Variants in LAMA2 observed in about 807,000 individuals in gnomAD.
LAMA2 encodes laminin subunit alpha-2.
LAMA2 carries 269 observed loss-of-function variants against 364.8 expected under a neutral mutation model. The ratio of observed to expected loss-of-function variants is 0.74; its 90% CI spans 0.67 to 0.82. The LOEUF (loss-of-function observed/expected upper bound fraction) is 0.82. Ranked by LOEUF, LAMA2 falls within the 40% of genes least tolerant of loss-of-function variation. The pLI, the probability that LAMA2 is intolerant of heterozygous loss-of-function variation, is 0.00. For synonymous variants in LAMA2, 1,379 were observed against 1,370.6 expected, an observed-to-expected ratio of 1.01 and a Z score of -0.14; for missense variants, 3,807 against 3,873.2, an observed-to-expected ratio of 0.98 and a Z score of 0.45.
At chr6:128,896,730 A>T (rs1776798513) in intron 1 of LAMA2, among the ~76,000 whole-genome samples, 1 of 152,198 alleles carries the variant, frequency 6.6e-6, no homozygotes, top group South Asian at 2.1e-4. Flanking sequence ...CCAGAATCTG[A>T]AATTTTATCT....
chr6:129,159,423 G>C (rs73773688), intron 8 of LAMA2, among the ~76,000 whole-genome samples: 1 of 152,112 alleles, frequency 6.6e-6, no homozygotes, highest in Non-Finnish European at 1.5e-5. Context: ...CCTTGCCAGC[G>C]TGCCGAGGCG....
At chr6:129,484,088 G>A (rs2571587) in intron 55 of LAMA2, among the ~76,000 whole-genome samples, 52,357 of 152,010 alleles carry the variant, frequency 0.34, 10,166 homozygotes, top group African/African-American at 0.54. Context: ...ACAAGATTAT[G>A]AGTGGAACTG....
At chr6:129,305,873 T>C (rs967388858) in intron 22 of LAMA2, among the ~76,000 whole-genome samples, 3 of 152,100 alleles carry the variant, frequency 2.0e-5, no homozygotes, top group African/African-American at 7.2e-5. Flanking sequence ...GTATAACATC[T>C]TCTCTTGACT....
intron 64 of LAMA2, among the ~76,000 whole-genome samples, chr6:129,515,937 T>C (rs1022920365): frequency 6.6e-6 from 1 of 151,798 alleles, no homozygotes; most frequent in African/African-American, 2.4e-5. Context: ...GCCCAGGAGG[T>C]TGAGGCTGCA....
rs779965601 is a variant in LAMA2 at position 129,143,036 on chromosome 6, G to A, written c.640-865G>A. The stretch of plus-strand genomic sequence containing the variant: ...CCGTGCCAACAGTACCTTTTATTTT[G>A]TCACACAGTTTATTCTTCATCAGAA... On this transcript the variant is annotated intron_variant, in intron 4 of 64. Coordinates refer to ENST00000421865, the MANE Select transcript of LAMA2 (RefSeq NM_000426.4). Among the ~76,000 whole-genome samples, 3 of 151,950 alleles carry A rather than the reference G, an allele frequency of 2.0e-5. No homozygotes were observed. The East Asian group carries it at 5.8e-4, about 30-fold the overall frequency.
chr6:129,192,618 A>C, intron 11 of LAMA2, 62 bp from the exon 12 acceptor site: 1 of 1,501,530 alleles, frequency 6.7e-7, no homozygotes, highest in Non-Finnish European at 9.2e-7. Flanking sequence ...AGGAACATGA[A>C]AGAGAAAAGC....
intron 2 of LAMA2, among the ~76,000 whole-genome samples, chr6:129,057,904 T>C (rs1788599200): frequency 6.6e-6 from 1 of 151,650 alleles, no homozygotes; most frequent in Admixed American, 6.6e-5. Context: ...TAAAAGGTCA[T>C]TCATAAGCCA....
At chr6:129,095,179 T>C (rs932000702) in intron 3 of LAMA2, among the ~76,000 whole-genome samples, 1 of 152,244 alleles carries the variant, frequency 6.6e-6, no homozygotes, top group Non-Finnish European at 1.5e-5. Context: ...TGAGATAACT[T>C]GTGGCTTACT....
chr6:129,042,111 C>T (rs1215688246), intron 1 of LAMA2, among the ~76,000 whole-genome samples: 1 of 151,746 alleles, frequency 6.6e-6, no homozygotes, highest in East Asian at 1.9e-4. Flanking sequence ...TCAAAACCAG[C>T]CTGGCTGATA....
intron 1 of LAMA2, among the ~76,000 whole-genome samples, chr6:128,906,590 G>A (rs1317089515): frequency 2.0e-5 from 3 of 151,280 alleles, no homozygotes; most frequent in East Asian, 1.9e-4. Flanking sequence ...TAGGTTGCCT[G>A]TTCACTCTGA....
intron 37 of LAMA2, among the ~76,000 whole-genome samples, chr6:129,397,174 GA>G (rs1373979379): frequency 6.6e-6 from 1 of 151,908 alleles, no homozygotes; most frequent in Non-Finnish European, 1.5e-5. Context: ...GTTAAAAGTA[GA>G]AATATAATCA....
intron 8 of LAMA2, among the ~76,000 whole-genome samples, chr6:129,159,871 C>T (rs1231416991): frequency 1.3e-5 from 2 of 152,086 alleles, no homozygotes; most frequent in African/African-American, 4.8e-5. Context: ...TAAGGATTTT[C>T]TCCTTTATTC....
At chr6:129,066,038 GTTTT>G (rs544271722) in intron 3 of LAMA2, among the ~76,000 whole-genome samples, 7 of 37,116 alleles carry the variant, frequency 1.9e-4, no homozygotes, top group African/African-American at 6.0e-4. Flanking sequence ...CCAGTCTCAG[GTTTT>G]TTTTTTTTTT....
At chr6:128,974,801 A>C (rs1280587466) in intron 1 of LAMA2, among the ~76,000 whole-genome samples, 1 of 152,060 alleles carries the variant, frequency 6.6e-6, no homozygotes, top group Non-Finnish European at 1.5e-5. Flanking sequence ...GAATATCAAA[A>C]CCAATAAAAT....
Position 129,349,280 on chromosome 6 carries a change from C to G in LAMA2, c.4437-18C>G. On this transcript the variant is annotated intron_variant, in intron 30 of 64. Transcript: ENST00000421865. ...AATGGATTAAACTTTTTTTGCAATC[C>G]TTTTCTTTCTGATTCAGTTTCAGCC... 6.2e-7 allele frequency: 1 copy of G among 1,605,640 alleles called. No individual in the cohort carries two copies. Among genetic ancestry groups the G allele is most frequent in the East Asian group, 2.2e-5 (1 of 44,780 alleles).
At chr6:128,896,200 T>C (rs1776760431) in intron 1 of LAMA2, among the ~76,000 whole-genome samples, 1 of 152,104 alleles carries the variant, frequency 6.6e-6, no homozygotes, top group Non-Finnish European at 1.5e-5. Flanking sequence ...TTTTTGAGGT[T>C]TATGTGTATC....
intron 20 of LAMA2, chr6:129,293,121 T>C: frequency 1.0e-6 from 1 of 980,924 alleles, no homozygotes; most frequent in East Asian, 1.1e-4. Flanking sequence ...TTCTGTGTGC[T>C]GTGGCTGAAG....
At chr6:129,385,117 AGG>A (rs1778916906) in intron 35 of LAMA2, among the ~76,000 whole-genome samples, 1 of 58 alleles carries the variant, frequency 0.017, no homozygotes, top group Non-Finnish European at 0.026. Flanking sequence ...GGAGGGAGGG[AGG>A]AGAGGGAAGG....
In LAMA2 at chr6:129,177,718, G is replaced by T; in HGVS notation, c.1319G>T (p.Gly440Val). The part of the protein sequence containing the change: ...EKHARRGLAP[G>V]SCHCKTGFGG... ...CATCTTTCTTTAGGTTTGGCACCTG[G>T]ATCCTGTCATTGCAAAACTGGTTTT... is the stretch of plus-strand genomic sequence containing the variant. The change falls in exon 10 of 65, where the codon GGA (glycine) becomes GTA (valine). Residue 440 changes from glycine to valine, a missense_variant. Around this residue, in one of 3 missense-constraint regions of LAMA2, gnomAD observed 3,333 missense variants for 3,345.7 expected, o/e 1.00. Coordinates refer to ENST00000421865, the MANE Select transcript of LAMA2 (RefSeq NM_000426.4). The T allele has an allele frequency of 3.7e-6, 6 of 1,613,908 alleles. No individual in the cohort carries two copies. Among genetic ancestry groups the T allele is most frequent in the Non-Finnish European group, 5.1e-6 (6 of 1,179,898 alleles).
Sources: gnomAD v4.1 joint callset for allele counts (sites outside exome capture counted in the v4.1 genomes callset) on GRCh38, gnomAD v4.1.1 for gene constraint, gnomAD v4.1.1 regional missense constraint, MANE v1.5 for transcripts, NCBI Gene and HGNC (gene_info 2026-07-23, HGNC 2026-07-21) for gene names.